RAPGEF1: variants seen among roughly 807,000 people sequenced by gnomAD.
RAPGEF1 encodes the protein Rap guanine nucleotide exchange factor 1, also known as CRK SH3-binding GNRP.
In RAPGEF1, 33 loss-of-function variants were observed where a neutral mutation model predicts 143.3. The ratio of observed to expected loss-of-function variants is 0.23; its 90% CI spans 0.17 to 0.31. The LOEUF (loss-of-function observed/expected upper bound fraction) is 0.31, where lower values mean the gene tolerates loss of function less well. Ranked by LOEUF, RAPGEF1 falls within the 10% of genes least tolerant of loss-of-function variation. RAPGEF1 has a pLI of 1.00. For synonymous variants in RAPGEF1, 629 were observed against 676.5 expected, an observed-to-expected ratio of 0.93 and a Z score of 1.09; for missense variants, 1,199 against 1,645.4, an observed-to-expected ratio of 0.73 and a Z score of 4.69.
At chr9:131,607,900 T>C (rs888851474) in intron 12 of RAPGEF1, among the ~76,000 whole-genome samples, 15 of 152,248 alleles carry the variant, frequency 9.9e-5, no homozygotes, top group African/African-American at 3.1e-4. Context: ...TCACAAAATG[T>C]ACCAAGTTGG....
chr9:131,580,425 A>G (rs753674245), intron 25 of RAPGEF1, 34 bp from the exon 26 acceptor site: 6 of 1,604,722 alleles, frequency 3.7e-6, no homozygotes, highest in Non-Finnish European at 5.1e-6. Flanking sequence ...TGTTACTGCT[A>G]CGGGGTTTGG....
intron 1 of RAPGEF1, among the ~76,000 whole-genome samples, chr9:131,660,158 C>T (rs1045502347): frequency 6.6e-6 from 1 of 152,300 alleles, no homozygotes; most frequent in Admixed American, 6.5e-5. Flanking sequence ...TGGAAAGATC[C>T]TCTGTCTTAC....
intron 1 of RAPGEF1, among the ~76,000 whole-genome samples, chr9:131,690,376 GT>G (rs1833697609): frequency 1.3e-5 from 2 of 152,186 alleles, no homozygotes; most frequent in South Asian, 4.1e-4. Flanking sequence ...ATGGTAAAAG[GT>G]TTGTGGAAGA....
intron 1 of RAPGEF1, among the ~76,000 whole-genome samples, chr9:131,733,371 G>C (rs1363163741): frequency 1.1e-4 from 15 of 133,296 alleles, no homozygotes; most frequent in Non-Finnish European, 1.6e-4. Context: ...GGGGCGGGGG[G>C]GGGGGTGGTG....
At chr9:131,646,539 C>A (rs547100121) in intron 3 of RAPGEF1, among the ~76,000 whole-genome samples, 1 of 152,156 alleles carries the variant, frequency 6.6e-6, no homozygotes, top group East Asian at 1.9e-4. Context: ...CAGGAGATGG[C>A]GGGGAAGAGG....
chr9:131,722,446 G>C (rs138723952), intron 1 of RAPGEF1, among the ~76,000 whole-genome samples: 2 of 152,228 alleles, frequency 1.3e-5, no homozygotes, highest in African/African-American at 2.4e-5. Context: ...GATGGATCCA[G>C]GCAGAGCCCT....
intron 15 of RAPGEF1, among the ~76,000 whole-genome samples, chr9:131,599,175 A>G (rs1955835559): frequency 6.8e-6 from 1 of 147,818 alleles, no homozygotes; most frequent in African/African-American, 2.5e-5. Context: ...CCCAGGCTGG[A>G]GTGCAGTGGT....
chr9:131,582,300 G>A (rs1193118274), intron 25 of RAPGEF1, among the ~76,000 whole-genome samples: 3 of 152,010 alleles, frequency 2.0e-5, no homozygotes, highest in Admixed American at 6.6e-5. Context: ...ACATGCTCAC[G>A]GGCAGGCTAC....
intron 19 of RAPGEF1, 74 bp downstream of exon 19, chr9:131,589,812 G>A: frequency 2.1e-6 from 3 of 1,397,692 alleles, no homozygotes; most frequent in Non-Finnish European, 2.0e-6. Flanking sequence ...CAGAGCCGAT[G>A]GGCAGGAGAA....
chr9:131,727,135 A>C (rs967246782), intron 1 of RAPGEF1, among the ~76,000 whole-genome samples: 8 of 152,172 alleles, frequency 5.3e-5, no homozygotes, highest in Non-Finnish European at 8.8e-5. Flanking sequence ...AGCAGCTTAC[A>C]AGCCCCATTT....
At chr9:131,643,476 A>T in intron 3 of RAPGEF1, 59 bp from the exon 4 acceptor site, 1 of 1,473,384 alleles carries the variant, frequency 6.8e-7, no homozygotes, top group Non-Finnish European at 9.1e-7. Context: ...CTATTTTGAA[A>T]AAATAAAGGA....
chr9:131,617,267 A>G (rs766511527), intron 12 of RAPGEF1, among the ~76,000 whole-genome samples: 6 of 152,350 alleles, frequency 3.9e-5, no homozygotes, highest in Non-Finnish European at 8.8e-5. Context: ...TTGTGAAAGG[A>G]GCTTGCCAGA....
rs376233216 is a variant in RAPGEF1, at chr9:131,646,473, G to A, written c.316-3056C>T. ...AAATCCCCATCGCCTTTCCTGCCCC[G>A]TGGGCCATATTCATTTCTGACGCCC... On this transcript the variant is annotated intron_variant, in intron 3 of 26. Transcript: ENST00000683357. Among the ~76,000 whole-genome samples the A allele has an allele frequency of 1.6e-4, 25 of 152,310 alleles. No homozygotes were observed. The East Asian group carries it at 1.9e-3, about 12-fold the overall frequency.
chr9:131,627,605 T>C (rs1963632857), intron 9 of RAPGEF1, among the ~76,000 whole-genome samples: 2 of 152,262 alleles, frequency 1.3e-5, no homozygotes, highest in Middle Eastern at 3.4e-3. Flanking sequence ...TTTAAAGCTC[T>C]CAACACAAAT....
chr9:131,611,938 T>G (rs1484171458), intron 12 of RAPGEF1, among the ~76,000 whole-genome samples: 2 of 152,264 alleles, frequency 1.3e-5, no homozygotes, highest in African/African-American at 2.4e-5. Context: ...GGTTCTGGAT[T>G]CCAACCCTGG....
At position 131,717,178 on chromosome 9, in the gene RAPGEF1, C is replaced by G. The variant is rs565908525; in HGVS notation, c.61+22592G>C. 2.0e-5 allele frequency among the ~76,000 whole-genome samples: 3 copies of G among 152,354 alleles called. No individual in the cohort carries two copies. The South Asian group carries it at 6.2e-4, about 32-fold the overall frequency. ...TGACCTCAGCCTCCAGGCTGTGATG[C>G]CTCTGCCCTTTACAACTCCCCGCCT... On this transcript the variant is annotated intron_variant, in intron 1 of 26. Transcript: ENST00000683357.
chr9:131,668,162 C>T (rs1020945503), intron 1 of RAPGEF1, among the ~76,000 whole-genome samples: 43 of 152,330 alleles, frequency 2.8e-4, no homozygotes, highest in African/African-American at 1.0e-3. Flanking sequence ...GAGCCCCTCC[C>T]TTACCTGCCA....
At chr9:131,596,230 G>A (rs1955262088) in intron 17 of RAPGEF1, 68 bp downstream of exon 17, 1 of 1,438,736 alleles carries the variant, frequency 7.0e-7, no homozygotes, top group Non-Finnish European at 9.8e-7. Context: ...GGACAGGATA[G>A]CGGTGGGAGG....
intron 12 of RAPGEF1, among the ~76,000 whole-genome samples, chr9:131,606,736 A>G (rs1345488122): frequency 6.6e-6 from 1 of 152,042 alleles, no homozygotes; most frequent in East Asian, 1.9e-4. Context: ...CAATCCTCCC[A>G]CCTCGGGTTC....
Sources: allele counts gnomAD v4.1 joint callset (sites outside exome capture counted in the v4.1 genomes callset), GRCh38; gene constraint gnomAD v4.1.1; transcripts MANE v1.5; gene names NCBI Gene and HGNC (gene_info 2026-07-23, HGNC 2026-07-21).